Variants in MLC1 observed in about 807,000 individuals in gnomAD.
MLC1 encodes the protein membrane protein MLC1.
MLC1 carries 32 observed loss-of-function variants against 44.7 expected under a neutral mutation model. That is an observed-to-expected ratio of 0.72 (90% CI 0.54 to 0.96). MLC1 has a LOEUF of 0.96. MLC1 is among the 40% of genes least tolerant of loss of function. The pLI, the probability that MLC1 is intolerant of heterozygous loss-of-function variation, is 0.00. For synonymous variants in MLC1, 190 were observed against 213.0 expected, an observed-to-expected ratio of 0.89 and a Z score of 0.94; for missense variants, 459 against 492.2, an observed-to-expected ratio of 0.93 and a Z score of 0.64.
In MLC1 at chr22:50,070,645, A is replaced by C. The variant is rs538864116; in HGVS notation, c.715-62T>G. 6.0e-6 allele frequency: 9 copies of C among 1,495,760 alleles called. No individual in the cohort carries two copies. The South Asian group carries it at 6.0e-5, about 10-fold the overall frequency. The allele number at this position is 1,495,760 out of a possible 1,614,324, so 92.7% of individuals were successfully genotyped here. ...TAGTCGAAGAAGTCGAATTCCAAAC[A>C]TGTGCCCTCCCACCAGTGACCCCTC... On this transcript the variant is annotated intron_variant, in intron 8 of 11. Transcript: ENST00000311597.
In MLC1 at chr22:50,070,694, G is replaced by A. The variant is rs1161806359; in HGVS notation, c.715-111C>T. The A allele has an allele frequency of 4.2e-6, 5 of 1,178,926 alleles. No homozygotes were observed. The East Asian group carries it at 1.3e-4, about 30-fold the overall frequency. The allele number at this position is 1,178,926 out of a possible 1,614,324, so 73.0% of individuals were successfully genotyped here. A position where few individuals can be genotyped will look rare whatever the true frequency, so the allele number is the denominator to read the frequency against. ...TCCATGCAGGCTGCCTGGCTGGCTT[G>A]CTGTGGGGGGCAGGGGGGATGGTGC... On this transcript the variant is annotated intron_variant, in intron 8 of 11. Coordinates refer to ENST00000311597, the MANE Select transcript of MLC1 (RefSeq NM_015166.4).
At chr22:50,065,753 A>T (rs1317207949) in intron 10 of MLC1, among the ~76,000 whole-genome samples, 2 of 152,188 alleles carry the variant, frequency 1.3e-5, no homozygotes, top group Non-Finnish European at 2.9e-5. Flanking sequence ...GACGGCCCCC[A>T]TTGAGGAGGT....
intron 7 of MLC1, among the ~76,000 whole-genome samples, chr22:50,075,944 A>G (rs1199142545): frequency 1.3e-5 from 2 of 152,162 alleles, no homozygotes; most frequent in Non-Finnish European, 2.9e-5. Context: ...TTTATCAAGG[A>G]GCGTATTAGA....
chr22:50,080,221 CG>C, intron 4 of MLC1, 122 bp downstream of exon 4: 2 of 1,322,104 alleles, frequency 1.5e-6, no homozygotes, highest in Admixed American at 2.0e-5. Flanking sequence ...GGGGCAACCT[CG>C]GGGGCCCCTC....
chr22:50,063,916 C>A, intron 11 of MLC1, 118 bp downstream of exon 11: 1 of 1,208,316 alleles, frequency 8.3e-7, no homozygotes, highest in Non-Finnish European at 1.1e-6. Context: ...CTGGGCACCC[C>A]TGTGGGCCAC....
rs1262087733 is a variant in MLC1 at position 50,068,441 on chromosome 22, C to A, written c.886G>T (p.Ala296Ser). 1.2e-6 allele frequency: 2 copies of A among 1,613,782 alleles called. No homozygotes were observed. The highest frequency in any genetic ancestry group is 1.7e-5 in the Admixed American group (1 of 60,024). Residue 296 changes from alanine (A) to serine (S), a missense_variant, in exon 10 of 12, where the codon GCC (alanine) becomes TCC (serine). Ala to Ser is a moderately conservative substitution (Grantham distance 99). Coordinates refer to ENST00000311597, the MANE Select transcript of MLC1 (RefSeq NM_015166.4). The stretch of plus-strand genomic sequence containing the variant: ...AATAAAATACAACTCACTTTTATGG[C>A]TGGCGGGTAATCCTTAAACATCTCC... ...IVEMFKDYPPAIKPSYDVLLL... is the reference protein window; with the variant it reads ...IVEMFKDYPPSIKPSYDVLLL...
At chr22:50,076,979 C>T (rs1216088570) in intron 6 of MLC1, 67 bp from the exon 7 acceptor site, 11 of 1,574,150 alleles carry the variant, frequency 7.0e-6, no homozygotes, top group East Asian at 2.2e-5. Context: ...CGCTGGCATC[C>T]GGCCGCCGTG....
intron 7 of MLC1, among the ~76,000 whole-genome samples, chr22:50,074,929 G>A (rs980742996): frequency 6.6e-6 from 1 of 152,232 alleles, no homozygotes. Flanking sequence ...AGGCAGAGCT[G>A]TCTCTGAGCT....
chr22:50,080,408 A>G lies in MLC1; in HGVS notation c.268-11T>C. On this transcript the variant is annotated splice_polypyrimidine_tract_variant and intron_variant, in intron 3 of 11. Coordinates refer to ENST00000311597, the MANE Select transcript of MLC1 (RefSeq NM_015166.4). The stretch of plus-strand genomic sequence containing the variant: ...TGCCGAGGGGATGCACTGGAATGAA[A>G]CCGGAATCCCATGAGCCTGCCGCTC... The G allele has an allele frequency of 6.3e-7, 1 of 1,599,352 alleles. No homozygotes were observed. Among genetic ancestry groups the G allele is most frequent in the Non-Finnish European group, 8.5e-7 (1 of 1,173,112 alleles).
chr22:50,072,564 G>C (rs181477315), intron 8 of MLC1, among the ~76,000 whole-genome samples: 22 of 152,198 alleles, frequency 1.4e-4, no homozygotes, highest in Non-Finnish European at 2.5e-4. Context: ...AGCCACCCCC[G>C]AGGCAGGAGG....
In MLC1 at chr22:50,064,084, C is replaced by T; in HGVS notation, c.1009G>A (p.Gly337Ser). 2 of 1,610,388 alleles carry T rather than the reference C, an allele frequency of 1.2e-6. No homozygotes were observed. Among genetic ancestry groups the T allele is most frequent in the Non-Finnish European group, 1.7e-6 (2 of 1,179,886 alleles). ...VRFKVSARLQGASWDTQNGPQ... is the reference protein window; with the variant it reads ...VRFKVSARLQSASWDTQNGPQ... ...CCGTTCTGGGTGTCCCAGGATGCAC[C>T]CTGCAGCCTTGCACTGACCTTGAAG... The change falls in exon 11 of 12, where the codon GGT becomes AGT. Residue 337 changes from glycine (G) to serine (S), a missense_variant. By Grantham distance (56) the Gly-to-Ser change is moderately conservative. Transcript: ENST00000311597.
At chr22:50,072,994 T>C (rs911394761) in intron 8 of MLC1, among the ~76,000 whole-genome samples, 1 of 133,202 alleles carries the variant, frequency 7.5e-6, no homozygotes. Context: ...GCCAATGGGA[T>C]GTGTCCACCT....
intron 11 of MLC1, among the ~76,000 whole-genome samples, chr22:50,063,642 C>T (rs1019103346): frequency 2.0e-5 from 3 of 150,546 alleles, no homozygotes; most frequent in East Asian, 2.0e-4. Flanking sequence ...ACCTCCCCAG[C>T]GGGTGCTCCT....
At chr22:50,073,720 A>G (rs907398399) in intron 8 of MLC1, among the ~76,000 whole-genome samples, 2 of 152,182 alleles carry the variant, frequency 1.3e-5, no homozygotes, top group African/African-American at 4.8e-5. Flanking sequence ...TGGGTGGCAG[A>G]GTGAGACTCC....
intron 10 of MLC1, 87 bp downstream of exon 10, chr22:50,068,346 C>T (rs1311750458): frequency 1.3e-6 from 2 of 1,564,748 alleles, no homozygotes; most frequent in Non-Finnish European, 1.7e-6. Context: ...GCCAGCGCCC[C>T]CAGAGTCCCA....
intron 5 of MLC1, among the ~76,000 whole-genome samples, chr22:50,079,637 G>A (rs1433425169): frequency 6.7e-6 from 1 of 148,496 alleles, no homozygotes; most frequent in Non-Finnish European, 1.5e-5. Context: ...TTGAACAACT[G>A]TCTTACACAG....
chr22:50,065,953 C>T (rs1028248735), intron 10 of MLC1, among the ~76,000 whole-genome samples: 1 of 152,226 alleles, frequency 6.6e-6, no homozygotes, highest in African/African-American at 2.4e-5. Context: ...GCTGGGTTGA[C>T]CGGGCAGTCA....
In MLC1 at chr22:50,083,819, G is replaced by A. The variant is rs959893768; in HGVS notation, c.178-646C>T. Among the ~76,000 whole-genome samples, 2 of 152,172 alleles carry A rather than the reference G, an allele frequency of 1.3e-5. No homozygotes were observed. The highest frequency in any genetic ancestry group is 2.9e-5 in the Non-Finnish European group (2 of 68,022). On this transcript the variant is annotated intron_variant, in intron 2 of 11. Coordinates refer to ENST00000311597, the MANE Select transcript of MLC1 (RefSeq NM_015166.4). This position sits in a 1 kb window ranked among gnomAD's most constrained non-coding sequence, Gnocchi z 4.6. ...GACCCAGGGTCCTGGCAGAGGAAGCGAGGTCTGGGGCAGAGGGGATCTGGC... is the reference window on the plus strand; with the variant it reads ...GACCCAGGGTCCTGGCAGAGGAAGCAAGGTCTGGGGCAGAGGGGATCTGGC...
At position 50,080,404 on chromosome 22, in the gene MLC1, T is replaced by A; in HGVS notation, c.268-7A>T. On this transcript the variant is annotated splice_polypyrimidine_tract_variant and splice_region_variant and intron_variant, in intron 3 of 11. Coordinates refer to ENST00000311597, the MANE Select transcript of MLC1 (RefSeq NM_015166.4). ...CAATTGCCGAGGGGATGCACTGGAA[T>A]GAAACCGGAATCCCATGAGCCTGCC... 6.2e-7 allele frequency: 1 copy of A among 1,600,954 alleles called. No homozygotes were observed. Among genetic ancestry groups the A allele is most frequent in the Admixed American group, 1.7e-5 (1 of 58,490 alleles).
Sources: allele counts gnomAD v4.1 joint callset (sites outside exome capture counted in the v4.1 genomes callset), GRCh38; gene constraint gnomAD v4.1.1; non-coding constraint Gnocchi (gnomAD v3.1); transcripts MANE v1.5; gene names NCBI Gene and HGNC (gene_info 2026-07-23, HGNC 2026-07-21).